Variants in BOK observed in about 807,000 individuals in gnomAD.
BOK encodes bcl-2-related ovarian killer protein.
BOK carries 20 observed loss-of-function variants against 18.3 expected under a neutral mutation model. The ratio of observed to expected loss-of-function variants is 1.09; its 90% CI spans 0.77 to 1.59. The LOEUF is 1.59. Ranked by LOEUF, BOK falls within the 40% of genes most tolerant of loss-of-function variation. The pLI is 0.00. For missense variants in BOK, 348 were observed against 307.9 expected (o/e 1.13, Z -0.97); for synonymous variants, 173 against 142.4 (o/e 1.21, Z -1.53).
At chr2:241,566,152 C>G (rs546749391) in intron 3 of BOK, among the ~76,000 whole-genome samples, 123 of 144,840 alleles carry the variant, frequency 8.5e-4, no homozygotes, top group African/African-American at 2.8e-3. Flanking sequence ...GGTTTGGTGG[C>G]ACATGCCTGT....
chr2:241,565,914 C>A (rs1225831514), intron 3 of BOK, among the ~76,000 whole-genome samples: 1 of 152,012 alleles, frequency 6.6e-6, no homozygotes, highest in East Asian at 1.9e-4. Flanking sequence ...TTATTTTTTT[C>A]TTTGAATTTG....
At chr2:241,567,840 CAGCA>C (rs2066639560) in intron 3 of BOK, among the ~76,000 whole-genome samples, 1 of 82,038 alleles carries the variant, frequency 1.2e-5, no homozygotes, top group African/African-American at 5.5e-5. Context: ...TGCAATTCAG[CAGCA>C]TCTGCCACAT....
chr2:241,551,932 G>A (rs954898991), intron 1 of BOK, among the ~76,000 whole-genome samples: 2 of 152,314 alleles, frequency 1.3e-5, no homozygotes, highest in East Asian at 1.9e-4. Flanking sequence ...GGTGGGGTGG[G>A]GGGCGTTCTC....
In BOK at chr2:241,570,250, A is replaced by G. The variant is rs763877396; in HGVS notation, c.475A>G (p.Lys159Glu). The G allele has an allele frequency of 5.0e-6, 8 of 1,585,074 alleles. No individual in the cohort carries two copies. Among genetic ancestry groups the G allele is most frequent in the Non-Finnish European group, 5.1e-6 (6 of 1,167,256 alleles). The change falls in exon 4 of 5, where the codon AAG becomes GAG. Residue 159 changes from lysine (K) to glutamate (E), a missense_variant. Lys to Glu is a moderately conservative substitution (Grantham distance 56). Transcript: ENST00000318407. ...GGACTGCCTGGGGGAGTTCGTGCGC[A>G]AGACCCTGGCAACCTGGCTGCGGAG... ...LVDCLGEFVR[K>E]TLATWLRRRG...
At chr2:241,559,742 C>T (rs2066497658) in intron 2 of BOK, 39 bp downstream of exon 2, 5 of 1,282,532 alleles carry the variant, frequency 3.9e-6, no homozygotes, top group African/African-American at 1.6e-5. Flanking sequence ...TGCGCCTCCT[C>T]CCCTGCTGGG....
Position 241,572,313 on chromosome 2 carries a change from G to A in BOK, c.530G>A (p.Cys177Tyr). The A allele has an allele frequency of 1.2e-6, 2 of 1,611,592 alleles. No homozygotes were observed. Among genetic ancestry groups the A allele is most frequent in the Non-Finnish European group, 8.5e-7 (1 of 1,179,870 alleles). The change falls in exon 5 of 5, where the codon TGT becomes TAT. Residue 177 changes from cysteine to tyrosine, a missense_variant. Coordinates refer to ENST00000318407, the MANE Select transcript of BOK (RefSeq NM_032515.5). ...CCCTCCCAGACTGATGTCCTCAAGT[G>A]TGTGGTCAGCACAGACCCTGGCCTC... ...RRGGWTDVLK[C>Y]VVSTDPGLRS...
At chr2:241,567,572 A>G (rs1482775674) in intron 3 of BOK, among the ~76,000 whole-genome samples, 2 of 135,000 alleles carry the variant, frequency 1.5e-5, no homozygotes, top group African/African-American at 2.9e-5. Flanking sequence ...TGCAGCGGGT[A>G]GAGCAGGGGC....
chr2:241,565,418 C>A (rs2125050627), intron 3 of BOK, among the ~76,000 whole-genome samples: 1 of 152,258 alleles, frequency 6.6e-6, no homozygotes, highest in African/African-American at 2.4e-5. Flanking sequence ...GGCCCACTGG[C>A]AGTTGCACCC....
chr2:241,563,797 C>T (rs2125049157), intron 3 of BOK, among the ~76,000 whole-genome samples: 1 of 152,330 alleles, frequency 6.6e-6, no homozygotes, highest in South Asian at 2.1e-4. Flanking sequence ...GAGATGCATC[C>T]CACGCCACGG....
At chr2:241,558,555 C>A (rs1468502769), upstream of BOK, among the ~76,000 whole-genome samples, 8 of 152,270 alleles carry the variant, frequency 5.3e-5, no homozygotes, top group Non-Finnish European at 1.5e-5. Context: ...CGGGGAACAC[C>A]CAGGCGGCTG....
upstream of BOK, chr2:241,558,661 T>C (rs568487520): frequency 1.3e-5 from 2 of 152,446 alleles, no homozygotes; most frequent in Admixed American, 1.3e-4. Context: ...TCGGTCCTCC[T>C]TAAGCGGGGA....
upstream of BOK, among the ~76,000 whole-genome samples, chr2:241,556,913 T>C (rs1286903307): frequency 6.6e-6 from 1 of 152,204 alleles, no homozygotes; most frequent in Non-Finnish European, 1.5e-5. Context: ...TTCAATGCAT[T>C]TAATTGGTGT....
At chr2:241,564,488 C>T (rs924786759) in intron 3 of BOK, among the ~76,000 whole-genome samples, 2 of 146,680 alleles carry the variant, frequency 1.4e-5, no homozygotes, top group South Asian at 2.3e-4. Context: ...CAGGCTGAGG[C>T]GTGTCATGGG....
chr2:241,573,589 C>G lies in BOK; in HGVS notation c.*1167C>G, dbSNP rs1022245178. 1 of 152,458 alleles carries G rather than the reference C, an allele frequency of 6.6e-6. No individual in the cohort carries two copies. Among genetic ancestry groups the G allele is most frequent in the Middle Eastern group, 3.4e-3 (1 of 296 alleles). 9.4% of individuals were successfully genotyped at this position (152,458 alleles called of 1,614,324 possible). On this transcript the variant is annotated 3_prime_UTR_variant, in exon 5 of 5. Transcript: ENST00000318407. ...GATGGGGTCCTTGTGCGGTGGGGAC[C>G]GGGGCCGGCGGGCTCCAGGCCAGCA...
At chr2:241,565,715 G>A (rs1387437954) in intron 3 of BOK, among the ~76,000 whole-genome samples, 1 of 152,176 alleles carries the variant, frequency 6.6e-6, no homozygotes, top group African/African-American at 2.4e-5. Flanking sequence ...GAGGGCTGCA[G>A]GGCAGGGCTC....
rs1470468879 is a variant in BOK at position 241,562,778 on chromosome 2, G to T, written c.349+302G>T. Among the ~76,000 whole-genome samples, 1 of 152,204 alleles carries T rather than the reference G, an allele frequency of 6.6e-6. No homozygotes were observed. The highest frequency in any genetic ancestry group is 2.1e-4 in the South Asian group (1 of 4,832). The stretch of plus-strand genomic sequence containing the variant: ...GGGGCCGCGTGACCTGCAGTCCTGT[G>T]GGGTGGCACGTCCTAGGGCTGCCTG... On this transcript the variant is annotated intron_variant, in intron 3 of 4. Coordinates refer to ENST00000318407, the MANE Select transcript of BOK (RefSeq NM_032515.5). This position sits in a 1 kb window ranked among gnomAD's most constrained non-coding sequence, Gnocchi z 4.5.
chr2:241,565,288 G>A (rs992207008), intron 3 of BOK, among the ~76,000 whole-genome samples: 5 of 142,428 alleles, frequency 3.5e-5, no homozygotes, highest in African/African-American at 1.1e-4. Flanking sequence ...GGCCCTGCCC[G>A]AGGGGAGCCA....
At chr2:241,557,659 G>A (rs1414555048), upstream of BOK, among the ~76,000 whole-genome samples, 2 of 152,070 alleles carry the variant, frequency 1.3e-5, no homozygotes, top group Admixed American at 6.6e-5. Flanking sequence ...TCTAAGCAGT[G>A]TTTTAGTTGC....
At chr2:241,556,569 G>A (rs185256558), upstream of BOK, among the ~76,000 whole-genome samples, 16,766 of 124,268 alleles carry the variant, frequency 0.13, 1,201 homozygotes, top group Middle Eastern at 0.3. Context: ...GCAACAGAGC[G>A]AGACTCCGTC....
Sources: gnomAD v4.1 joint callset for allele counts (sites outside exome capture counted in the v4.1 genomes callset) on GRCh38, gnomAD v4.1.1 for gene constraint, Gnocchi (gnomAD v3.1) non-coding constraint, MANE v1.5 for transcripts, NCBI Gene and HGNC (gene_info 2026-07-23, HGNC 2026-07-21) for gene names.